The following EPB41 variants were observed in gnomAD, a reference collection of about 807,000 sequenced individuals.
EPB41 encodes the protein erythrocyte membrane protein band 4.1.
In EPB41, 65 loss-of-function variants were observed where a neutral mutation model predicts 108.0. The observed-to-expected ratio is 0.60, with a 90% CI of 0.49 to 0.74. The LOEUF (loss-of-function observed/expected upper bound fraction) is 0.74. Among genes scored for constraint, EPB41 ranks in the 30% least tolerant of loss-of-function variants. The pLI is 0.00. For missense variants in EPB41, 875 were observed against 1,037.0 expected, an observed-to-expected ratio of 0.84 and a Z score of 2.15; for synonymous variants, 336 against 358.9, an observed-to-expected ratio of 0.94 and a Z score of 0.72.
At position 29,080,273 on chromosome 1, in the gene EPB41, C is replaced by T. The variant is rs574431865; in HGVS notation, c.2184+15115C>T. ...AGCTGGGATTACAGACGCGAACCAC[C>T]GCACCCGGCTAATTTTTGCATTTTT... On this transcript the variant is annotated intron_variant, in intron 16 of 20. Transcript: ENST00000343067. Among the ~76,000 whole-genome samples, 4 of 152,032 alleles carry T rather than the reference C, an allele frequency of 2.6e-5. No individual in the cohort carries two copies. In the East Asian group the frequency reaches 5.8e-4, roughly 22 times the overall value.
At chr1:29,079,410 T>G (rs1655460317) in intron 16 of EPB41, among the ~76,000 whole-genome samples, 1 of 151,680 alleles carries the variant, frequency 6.6e-6, no homozygotes, top group African/African-American at 2.4e-5. Context: ...TCTTTCTAAT[T>G]ATTACCTTTT....
intron 1 of EPB41, among the ~76,000 whole-genome samples, chr1:28,967,431 A>G (rs2095387093): frequency 6.6e-6 from 1 of 152,104 alleles, no homozygotes; most frequent in Admixed American, 6.6e-5. Flanking sequence ...AATGATGAGG[A>G]ACTGGTAAAC....
intron 1 of EPB41, among the ~76,000 whole-genome samples, chr1:28,955,641 G>T (rs2094920106): frequency 6.6e-6 from 1 of 152,008 alleles, no homozygotes; most frequent in Non-Finnish European, 1.5e-5. Context: ...ACCACGCCCA[G>T]CCCTGATGAT....
At chr1:29,002,092 C>A (rs1219520594) in intron 4 of EPB41, among the ~76,000 whole-genome samples, 2 of 152,106 alleles carry the variant, frequency 1.3e-5, no homozygotes, top group Non-Finnish European at 2.9e-5. Context: ...ATGAGATAAT[C>A]TGTATGAAAG....
At chr1:29,029,763 A>G (rs1484756709) in intron 7 of EPB41, among the ~76,000 whole-genome samples, 3 of 152,226 alleles carry the variant, frequency 2.0e-5, no homozygotes, top group African/African-American at 7.2e-5. Flanking sequence ...ATGAAGACAT[A>G]TTAATAACAG....
intron 16 of EPB41, among the ~76,000 whole-genome samples, chr1:29,095,153 G>A (rs994627837): frequency 1.3e-5 from 2 of 152,150 alleles, no homozygotes; most frequent in Non-Finnish European, 2.9e-5. Flanking sequence ...GACTCTACTT[G>A]CTTTAGAACT....
intron 1 of EPB41, among the ~76,000 whole-genome samples, chr1:28,943,242 G>A (rs1391766413): frequency 2.0e-5 from 3 of 152,090 alleles, no homozygotes; most frequent in African/African-American, 4.8e-5. Flanking sequence ...AAAACTAATC[G>A]AGTCAAAAAA....
intron 1 of EPB41, chr1:28,890,890 G>T: frequency 1.0e-6 from 1 of 984,576 alleles, no homozygotes; most frequent in African/African-American, 1.7e-5. Flanking sequence ...TGCCCACATT[G>T]CTCAGCCCTT....
chr1:28,934,202 C>G (rs1412663267), intron 1 of EPB41, among the ~76,000 whole-genome samples: 1 of 152,086 alleles, frequency 6.6e-6, no homozygotes, highest in East Asian at 1.9e-4. Flanking sequence ...CATTATTAGA[C>G]TTGATAATGT....
chr1:28,997,373 TTTG>T, intron 4 of EPB41, 54 bp downstream of exon 4: 1 of 1,113,922 alleles, frequency 9.0e-7, no homozygotes. Context: ...TTTTAATTCT[TTTG>T]TTGTTAAGAA....
chr1:29,021,511 C>T (rs1034587255), intron 7 of EPB41, among the ~76,000 whole-genome samples: 1 of 151,996 alleles, frequency 6.6e-6, no homozygotes, highest in African/African-American at 2.4e-5. Context: ...TTGCTGCATA[C>T]TGAAGCACAA....
At chr1:28,926,059 T>A (rs1392999825) in intron 1 of EPB41, among the ~76,000 whole-genome samples, 1 of 144,076 alleles carries the variant, frequency 6.9e-6, no homozygotes, top group Admixed American at 7.0e-5. Flanking sequence ...AAAAAAAAAT[T>A]ATAGGCCAGA....
intron 1 of EPB41, among the ~76,000 whole-genome samples, chr1:28,893,096 T>C (rs1160988315): frequency 6.6e-6 from 1 of 151,728 alleles, no homozygotes; most frequent in East Asian, 1.9e-4. Flanking sequence ...GGTTCTTTTA[T>C]TCTGAGATAG....
intron 14 of EPB41, 37 bp from the exon 15 acceptor site, chr1:29,060,385 T>G (rs774222280): frequency 1.1e-5 from 18 of 1,598,798 alleles, no homozygotes; most frequent in Non-Finnish European, 1.4e-5. Context: ...TTTTAATTTT[T>G]TATGCTTTTC....
chr1:28,945,106 A>G (rs1177804294), intron 1 of EPB41, among the ~76,000 whole-genome samples: 1 of 151,836 alleles, frequency 6.6e-6, no homozygotes, highest in Non-Finnish European at 1.5e-5. Flanking sequence ...AAAAAAAAAA[A>G]AAGAACCAGA....
chr1:28,984,190 C>G (rs2095821457), intron 1 of EPB41, among the ~76,000 whole-genome samples: 1 of 152,066 alleles, frequency 6.6e-6, no homozygotes, highest in Non-Finnish European at 1.5e-5. Flanking sequence ...TTTATAGGCA[C>G]AGGATGGGGT....
At chr1:29,061,301 G>A (rs1052346638) in intron 15 of EPB41, among the ~76,000 whole-genome samples, 9 of 151,792 alleles carry the variant, frequency 5.9e-5, no homozygotes, top group East Asian at 3.9e-4. Context: ...ACAGAGTCTC[G>A]CTCTGTCGGC....
At chr1:28,996,418 G>C (rs536285481) in intron 3 of EPB41, among the ~76,000 whole-genome samples, 34 of 152,256 alleles carry the variant, frequency 2.2e-4, no homozygotes, top group African/African-American at 7.5e-4. Context: ...AGGGAGTTGA[G>C]GCATACCTCA....
intron 16 of EPB41, among the ~76,000 whole-genome samples, chr1:29,095,711 G>A (rs534112086): frequency 2.0e-5 from 3 of 152,042 alleles, no homozygotes; most frequent in Admixed American, 2.0e-4. Flanking sequence ...ATTCAAGGCT[G>A]CAGTGAGCTA....
Sources: gnomAD v4.1 joint callset for allele counts (sites outside exome capture counted in the v4.1 genomes callset) on GRCh38, gnomAD v4.1.1 for gene constraint, MANE v1.5 for transcripts, NCBI Gene and HGNC (gene_info 2026-07-23, HGNC 2026-07-21) for gene names.